Variants in PDE4DIP observed in about 807,000 individuals in gnomAD.
PDE4DIP encodes the protein myomegalin.
In PDE4DIP, 59 loss-of-function variants were observed where a neutral mutation model predicts 221.4. The ratio of observed to expected loss-of-function variants is 0.27; its 90% confidence interval spans 0.22 to 0.33. PDE4DIP has a LOEUF of 0.33. PDE4DIP is among the 10% of genes least tolerant of loss of function. PDE4DIP has a pLI of 1.00. For synonymous variants in PDE4DIP, 404 were observed against 815.9 expected (o/e 0.50, Z 8.60); for missense variants, 1,036 against 2,154.2 (o/e 0.48, Z 10.28).
chr1:149,028,504 C>G, intron 40 of PDE4DIP, 56 bp from the exon 44 acceptor site: 1 of 1,542,604 alleles, frequency 6.5e-7, no homozygotes, highest in South Asian at 1.2e-5. Flanking sequence ...GAAGCTTGAG[C>G]CCATGCAGGG....
At chr1:148,987,722 A>G (rs1553551578) in intron 21 of PDE4DIP, among the ~76,000 whole-genome samples, 1 of 152,144 alleles carries the variant, frequency 6.6e-6, no homozygotes, top group Non-Finnish European at 1.5e-5. Flanking sequence ...ACTACAGAGT[A>G]GAATTGGGGG....
intron 21 of PDE4DIP, chr1:148,983,495 C>T (rs2061435110): frequency 6.6e-6 from 1 of 152,428 alleles, no homozygotes; most frequent in Admixed American, 6.5e-5. Context: ...GTCTAGATAG[C>T]TGGAATGAGG....
intron 32 of PDE4DIP, among the ~76,000 whole-genome samples, chr1:149,014,957 C>T (rs1398040822): frequency 2.0e-5 from 3 of 152,030 alleles, no homozygotes; most frequent in Admixed American, 1.3e-4. Context: ...CTATCTGCAA[C>T]CACTGATTTC....
intron 4 of PDE4DIP, among the ~76,000 whole-genome samples, chr1:148,934,401 A>G (rs1161010763): frequency 6.6e-6 from 1 of 152,050 alleles, no homozygotes; most frequent in African/African-American, 2.4e-5. Context: ...CACTCATCAG[A>G]TGACCTTGAA....
intron 21 of PDE4DIP, chr1:148,981,643 G>T: frequency 2.2e-6 from 1 of 461,946 alleles, no homozygotes; most frequent in Non-Finnish European, 4.0e-6. Context: ...AAATTGAATG[G>T]TGGAGGTTGC....
At chr1:148,947,555 G>A (rs2052097096) in intron 5 of PDE4DIP, among the ~76,000 whole-genome samples, 1 of 151,280 alleles carries the variant, frequency 6.6e-6, no homozygotes, top group Non-Finnish European at 1.5e-5. Flanking sequence ...TTGGGACATG[G>A]GGATTTTCCA....
At chr1:148,995,991 A>T (rs1316943608) in intron 22 of PDE4DIP, among the ~76,000 whole-genome samples, 1 of 152,054 alleles carries the variant, frequency 6.6e-6, no homozygotes, top group African/African-American at 2.4e-5. Context: ...GAAAACCCAA[A>T]TTAGCCTGGG....
intron 16 of PDE4DIP, among the ~76,000 whole-genome samples, chr1:148,972,819 C>G (rs1436848896): frequency 1.5e-4 from 22 of 151,216 alleles, no homozygotes; most frequent in African/African-American, 5.4e-4. Flanking sequence ...TATCCTTACT[C>G]TCCTTTTCAG....
chr1:148,934,702 C>T (rs587638397), intron 4 of PDE4DIP, among the ~76,000 whole-genome samples: 1 of 152,200 alleles, frequency 6.6e-6, no homozygotes, highest in African/African-American at 2.4e-5. Flanking sequence ...CTCCCAGGTT[C>T]AACCGATTTT....
intron 27 of PDE4DIP, chr1:149,006,270 C>T (rs2067014195): frequency 6.6e-6 from 1 of 152,032 alleles, no homozygotes; most frequent in Non-Finnish European, 1.5e-5. Context: ...TTGGTGTGTC[C>T]TGGTTATCTA....
chr1:148,966,732 T>C, intron 11 of PDE4DIP, 76 bp downstream of exon 14: 1 of 714,130 alleles, frequency 1.4e-6, no homozygotes, highest in Non-Finnish European at 2.5e-6. Context: ...TGTGTTTGCT[T>C]AAATTTGCTG....
intron 5 of PDE4DIP, among the ~76,000 whole-genome samples, chr1:148,942,674 G>A (rs1553480823): frequency 7.7e-6 from 1 of 129,434 alleles, no homozygotes; most frequent in Middle Eastern, 3.5e-3. Flanking sequence ...GGAAAAGCTA[G>A]CAATTGTTTC....
intron 32 of PDE4DIP, among the ~76,000 whole-genome samples, chr1:149,014,156 GA>G (rs1460385615): frequency 7.7e-6 from 1 of 129,780 alleles, no homozygotes; most frequent in African/African-American, 3.0e-5. Context: ...AAAGCTCAGG[GA>G]AGTGAAGTTA....
chr1:149,004,244 AC>A (rs1397601960), intron 26 of PDE4DIP, among the ~76,000 whole-genome samples: 3 of 152,058 alleles, frequency 2.0e-5, no homozygotes, highest in Non-Finnish European at 4.4e-5. Context: ...TAAAGGAACT[AC>A]CTACCCCATC....
intron 35 of PDE4DIP, among the ~76,000 whole-genome samples, chr1:149,019,179 G>GCCCCCCA (rs2071756668): frequency 3.2e-5 from 1 of 31,074 alleles, no homozygotes; most frequent in Non-Finnish European, 6.5e-5. Context: ...CATGCCGAGT[G>GCCCCCCA]GCACTAGCAA....
At chr1:148,953,238 G>C in intron 5 of PDE4DIP, 1 of 1,612,272 alleles carries the variant, frequency 6.2e-7, no homozygotes, top group Non-Finnish European at 8.5e-7. Context: ...GAGCCACACA[G>C]CTGCCATGGT....
At chr1:148,910,135 T>C (rs2042520358) in intron 1 of PDE4DIP, among the ~76,000 whole-genome samples, 1 of 89,338 alleles carries the variant, frequency 1.1e-5, no homozygotes, top group African/African-American at 5.2e-5. Context: ...CATACAGGCA[T>C]TCCCATCCTC....
chr1:149,003,023 GA>G lies in PDE4DIP; in HGVS notation c.3750del (p.Lys1250AsnfsTer12). ...TCTTTGCTCAGGCTAACGAGCTGGAGAAATACAGAGTTATGCTTAGTAAGTA... is the reference window on the plus strand; with the variant it reads ...TCTTTGCTCAGGCTAACGAGCTGGAGAATACAGAGTTATGCTTAGTAAGTA... On this transcript the variant is annotated frameshift_variant, in exon 25 of 44. Transcript: ENST00000369354. LOFTEE classifies it high-confidence loss of function. 1.3e-6 allele frequency: 1 copy of G among 790,602 alleles called. No homozygotes were observed. The highest frequency in any genetic ancestry group is 2.1e-6 in the Non-Finnish European group (1 of 471,712). The allele number at this position is 790,602 out of a possible 1,614,324, so 49.0% of individuals were successfully genotyped here.
chr1:148,919,408 C>G (rs1553460633), intron 1 of PDE4DIP, among the ~76,000 whole-genome samples: 4 of 151,038 alleles, frequency 2.6e-5, no homozygotes, highest in Non-Finnish European at 5.9e-5. Context: ...CATTTTTGCT[C>G]TAATACTTAT....
Sources: allele counts gnomAD v4.1 joint callset (sites outside exome capture counted in the v4.1 genomes callset), GRCh38; gene constraint gnomAD v4.1.1; transcripts MANE v1.5; gene names NCBI Gene and HGNC (gene_info 2026-07-23, HGNC 2026-07-21).